BABAM2: variants seen among roughly 807,000 people sequenced by gnomAD.
The protein encoded by BABAM2 is BRISC and BRCA1-A complex member 2.
Under a neutral mutation model 54.7 loss-of-function variants are expected in BABAM2, and 31 were observed. The ratio of observed to expected loss-of-function variants is 0.57; its 90% CI spans 0.43 to 0.77. BABAM2 has a LOEUF of 0.77. Ranked by LOEUF, BABAM2 falls within the 30% of genes least tolerant of loss-of-function variation. The probability of loss-of-function intolerance (pLI) is 0.00; values close to 1 mark genes in which losing one functional copy is unlikely to be tolerated. For missense variants in BABAM2, 364 were observed against 455.8 expected (o/e 0.80, Z 1.83); for synonymous variants, 167 against 162.9 (o/e 1.03, Z -0.19).
At chr2:28,220,827 T>C (rs1433075534) in intron 7 of BABAM2, among the ~76,000 whole-genome samples, 1 of 152,046 alleles carries the variant, frequency 6.6e-6, no homozygotes, top group African/African-American at 2.4e-5. Context: ...GACGCTGAGG[T>C]AGGAGGATCA....
intron 10 of BABAM2, among the ~76,000 whole-genome samples, chr2:28,266,065 A>C (rs1351267004): frequency 4.0e-5 from 6 of 151,528 alleles, no homozygotes; most frequent in African/African-American, 1.5e-4. Flanking sequence ...GCCCACTGCA[A>C]CCTCCACCTC....
chr2:27,898,041 A>G (rs945017692), intron 2 of BABAM2, among the ~76,000 whole-genome samples: 1 of 152,078 alleles, frequency 6.6e-6, no homozygotes, highest in African/African-American at 2.4e-5. Context: ...AAATCAGTAT[A>G]TTTTTCTTCT....
intron 7 of BABAM2, among the ~76,000 whole-genome samples, chr2:28,206,972 G>A (rs1357714247): frequency 6.6e-6 from 1 of 152,206 alleles, no homozygotes; most frequent in African/African-American, 2.4e-5. Context: ...GCCAAGCACA[G>A]TATTCAGTTA....
intron 10 of BABAM2, among the ~76,000 whole-genome samples, chr2:28,275,221 A>G (rs547423428): frequency 1.3e-5 from 2 of 152,340 alleles, no homozygotes; most frequent in East Asian, 3.9e-4. Flanking sequence ...AACGGATCTG[A>G]TGTCTTAAAG....
At chr2:28,022,150 A>G (rs981788295) in intron 4 of BABAM2, among the ~76,000 whole-genome samples, 1 of 152,162 alleles carries the variant, frequency 6.6e-6, no homozygotes, top group African/African-American at 2.4e-5. Flanking sequence ...TACGAGAGAG[A>G]AATGTGGGAA....
intron 3 of BABAM2, among the ~76,000 whole-genome samples, chr2:27,930,569 G>T (rs1325329710): frequency 6.6e-5 from 10 of 152,182 alleles, no homozygotes; most frequent in African/African-American, 2.4e-4. Context: ...CCTGAATTCT[G>T]TCAGTTTTAG....
chr2:28,215,659 C>A, intron 7 of BABAM2, among the ~76,000 whole-genome samples: 1 of 6,230 alleles, frequency 1.6e-4, no homozygotes, highest in Non-Finnish European at 0.011. Flanking sequence ...TTCCCTTTGT[C>A]ATTTATTTTT....
At chr2:27,899,367 TCA>T (rs1665596230) in intron 2 of BABAM2, among the ~76,000 whole-genome samples, 1 of 152,232 alleles carries the variant, frequency 6.6e-6, no homozygotes, top group Non-Finnish European at 1.5e-5. Context: ...TGCTTCTTTT[TCA>T]CAGATTCCCT....
At chr2:28,220,589 T>C (rs1423334099) in intron 7 of BABAM2, among the ~76,000 whole-genome samples, 5 of 149,396 alleles carry the variant, frequency 3.3e-5, no homozygotes, top group Non-Finnish European at 7.4e-5. Context: ...AAAAGTAATA[T>C]GTGTCAGTTA....
chr2:28,207,343 TAA>T (rs11342724), intron 7 of BABAM2, among the ~76,000 whole-genome samples: 743 of 142,604 alleles, frequency 5.2e-3, no homozygotes, highest in Admixed American at 5.1e-3. Context: ...GTCTCTAGTT[TAA>T]AAAAAAAAAA....
chr2:28,140,091 C>T (rs1052211599), intron 7 of BABAM2, among the ~76,000 whole-genome samples: 2 of 152,092 alleles, frequency 1.3e-5, no homozygotes, highest in Non-Finnish European at 2.9e-5. Flanking sequence ...CTGCATCTCT[C>T]AGGCATATTT....
At chr2:28,062,332 A>G (rs1452465059) in intron 6 of BABAM2, among the ~76,000 whole-genome samples, 1 of 151,454 alleles carries the variant, frequency 6.6e-6, no homozygotes, top group Non-Finnish European at 1.5e-5. Flanking sequence ...TTGTGGGCTG[A>G]GTCAGGCGGA....
At chr2:28,120,728 A>G (rs1171787724) in intron 6 of BABAM2, among the ~76,000 whole-genome samples, 1 of 152,244 alleles carries the variant, frequency 6.6e-6, no homozygotes, top group African/African-American at 2.4e-5. Context: ...TTTGGAATAT[A>G]AAATATATAT....
At chr2:28,069,214 G>A (rs977312715) in intron 6 of BABAM2, among the ~76,000 whole-genome samples, 3 of 152,022 alleles carry the variant, frequency 2.0e-5, no homozygotes, top group African/African-American at 7.2e-5. Context: ...TAAAATTAAA[G>A]GATCCACTGG....
At chr2:27,929,067 A>G (rs1339178214) in intron 2 of BABAM2, among the ~76,000 whole-genome samples, 1 of 150,328 alleles carries the variant, frequency 6.7e-6, no homozygotes, top group Non-Finnish European at 1.5e-5. Context: ...AAAAAAAAAA[A>G]AAAAGCCAGG....
chr2:27,970,496 A>G (rs1671132502), intron 3 of BABAM2, among the ~76,000 whole-genome samples: 1 of 152,190 alleles, frequency 6.6e-6, no homozygotes, highest in Non-Finnish European at 1.5e-5. Flanking sequence ...TACAGTATCT[A>G]TCTCTAAATC....
At chr2:28,308,344 G>A (rs1051915067) in intron 11 of BABAM2, 11 of 472,336 alleles carry the variant, frequency 2.3e-5, no homozygotes, top group Admixed American at 2.2e-4. Flanking sequence ...AAATATGCTT[G>A]GAAGAGCACT....
intron 11 of BABAM2, among the ~76,000 whole-genome samples, chr2:28,321,862 C>T (rs1252381920): frequency 2.6e-5 from 4 of 151,864 alleles, no homozygotes; most frequent in African/African-American, 9.7e-5. Flanking sequence ...AGTTCCTTGT[C>T]CCGGGTCAGT....
intron 10 of BABAM2, among the ~76,000 whole-genome samples, chr2:28,254,738 T>TCAA (rs1683820774): frequency 1.3e-5 from 2 of 149,052 alleles, no homozygotes; most frequent in African/African-American, 2.5e-5. Context: ...ATTTTTTTTT[T>TCAA]TTTTTTTTTT....
Sources: gnomAD v4.1 joint callset for allele counts (sites outside exome capture counted in the v4.1 genomes callset) on GRCh38, gnomAD v4.1.1 for gene constraint, MANE v1.5 for transcripts, NCBI Gene and HGNC (gene_info 2026-07-23, HGNC 2026-07-21) for gene names.